Variants in PAK4 observed in about 807,000 individuals in gnomAD.
PAK4 encodes the protein p21 (RAC1) activated kinase 4.
PAK4 carries 49 observed loss-of-function variants against 53.5 expected under a neutral mutation model. That is an observed-to-expected ratio of 0.92 (90% CI 0.73 to 1.16). The LOEUF is 1.16. Ranked by LOEUF, PAK4 falls within the 50% of genes most tolerant of loss-of-function variation. The pLI is 0.00. For missense variants in PAK4, 824 were observed against 850.7 expected (o/e 0.97, Z 0.39); for synonymous variants, 376 against 375.6 (o/e 1.00, Z -0.01).
chr19:39,157,123 CTG>C lies in PAK4; in HGVS notation c.-22-12406_-22-12405del, dbSNP rs143071955. ...CACGAGGGCAGAAGTTTCCGTGAGA[CTG>C]TGCCTCACTCAGTCACTCTGGGTGA... On this transcript the variant is annotated intron_variant, in intron 1 of 8. Transcript: ENST00000358301. Among the ~76,000 whole-genome samples, 12 of 152,216 alleles carry C rather than the reference CTG, an allele frequency of 7.9e-5. No individual in the cohort carries two copies. In the East Asian group the frequency reaches 2.1e-3, roughly 27 times the overall value.
At chr19:39,160,361 A>G (rs1235287668) in intron 1 of PAK4, among the ~76,000 whole-genome samples, 1 of 62,604 alleles carries the variant, frequency 1.6e-5, no homozygotes, top group African/African-American at 6.1e-5. Flanking sequence ...GGCAAGAACC[A>G]GACAGACAGA....
chr19:39,126,722 A>G (rs1042884366), intron 1 of PAK4, among the ~76,000 whole-genome samples: 1 of 152,058 alleles, frequency 6.6e-6, no homozygotes, highest in African/African-American at 2.4e-5. Context: ...GCTCTGGCCG[A>G]CCGCCTCTCA....
intron 1 of PAK4, among the ~76,000 whole-genome samples, chr19:39,144,426 C>T (rs1333742975): frequency 3.9e-5 from 6 of 152,198 alleles, no homozygotes; most frequent in African/African-American, 9.7e-5. Context: ...CACGGGGCAC[C>T]GATGAGCCAG....
chr19:39,130,294 C>CA (rs1568494349), intron 1 of PAK4, among the ~76,000 whole-genome samples: 905 of 60,260 alleles, frequency 0.015, 22 homozygotes, highest in African/African-American at 0.053. Context: ...GGGGTCAGGG[C>CA]GGGATGGGGA....
chr19:39,164,122 C>T (rs2074329332), intron 1 of PAK4, among the ~76,000 whole-genome samples: 1 of 151,732 alleles, frequency 6.6e-6, no homozygotes, highest in Non-Finnish European at 1.5e-5. Flanking sequence ...ACTAAGAATA[C>T]ATAAATTAGC....
At position 39,175,407 on chromosome 19, in the gene PAK4, G is replaced by A. The variant is rs2074584425; in HGVS notation, c.1328G>A (p.Ser443Asn). 4 of 1,612,064 alleles carry A rather than the reference G, an allele frequency of 2.5e-6. No individual in the cohort carries two copies. The highest frequency in any genetic ancestry group is 1.3e-5 in the African/African-American group (1 of 75,014). Reference sequence around the variant, plus strand: ...GGCGTCATCCACCGGGACATCAAGAGCGACTCGATCCTGCTGACCCATGAT... The same window carrying A: ...GGCGTCATCCACCGGGACATCAAGAACGACTCGATCCTGCTGACCCATGAT... Residue 443 changes from serine to asparagine, a missense_variant, in exon 6 of 9, where the codon AGC becomes AAC. By Grantham distance (46) the Ser-to-Asn change is conservative. Coordinates refer to ENST00000358301, the Ensembl canonical transcript of PAK4. The surrounding 1 kb of genome is among the most constrained non-coding windows in gnomAD (Gnocchi z 4.7).
intron 2 of PAK4, 33 bp from the exon 4 acceptor site, chr19:39,172,885 T>C: frequency 6.7e-7 from 1 of 1,496,416 alleles, no homozygotes; most frequent in Non-Finnish European, 9.0e-7. Flanking sequence ...CACTCCTTGC[T>C]GGGCCCCCAC....
chr19:39,158,696 A>G (rs776265474), intron 1 of PAK4, among the ~76,000 whole-genome samples: 1 of 152,082 alleles, frequency 6.6e-6, no homozygotes, highest in Non-Finnish European at 1.5e-5. Flanking sequence ...TGGGTAAAGG[A>G]AGCATCATCT....
chr19:39,150,104 A>G (rs566502679), intron 1 of PAK4, among the ~76,000 whole-genome samples: 1 of 152,308 alleles, frequency 6.6e-6, no homozygotes, highest in East Asian at 1.9e-4. Flanking sequence ...ATTTTACCAT[A>G]ATAAAAATAA....
rs1056425873 is a variant in PAK4, at chr19:39,175,511, C to G, written c.1359+73C>G. ...GGGGCTTCCCTGCCTCTTCCCATCCCCTGTGAGGGTAGGTGAGCTCTGACC... is the reference window on the plus strand; with the variant it reads ...GGGGCTTCCCTGCCTCTTCCCATCCGCTGTGAGGGTAGGTGAGCTCTGACC... On this transcript the variant is annotated intron_variant, in intron 6 of 8. Transcript: ENST00000358301. The surrounding 1 kb of genome is among the most constrained non-coding windows in gnomAD (Gnocchi z 4.7). The G allele has an allele frequency of 6.8e-7, 1 of 1,468,026 alleles. No individual in the cohort carries two copies. 90.9% of individuals were successfully genotyped at this position (1,468,026 alleles called of 1,614,324 possible).
intron 8 of PAK4, 27 bp downstream of exon 9, chr19:39,177,836 G>C (rs369883675): frequency 4.6e-5 from 73 of 1,590,304 alleles, no homozygotes; most frequent in Middle Eastern, 1.7e-4. Context: ...CTGGGAAACT[G>C]TGCGCCAGCT....
chr19:39,154,507 C>T (rs978823591), intron 1 of PAK4, among the ~76,000 whole-genome samples: 2 of 152,200 alleles, frequency 1.3e-5, no homozygotes, highest in Non-Finnish European at 2.9e-5. Context: ...GGAGGACATC[C>T]TGTCACAGTT....
chr19:39,136,979 A>G (rs1166957293), intron 1 of PAK4, among the ~76,000 whole-genome samples: 4 of 152,186 alleles, frequency 2.6e-5, no homozygotes, highest in East Asian at 1.9e-4. Context: ...TTGAAGGAAG[A>G]CAGGTAGGTC....
chr19:39,165,189 G>GATAATAATAATAATAATA (rs1171032266), intron 1 of PAK4, among the ~76,000 whole-genome samples: 3 of 54,790 alleles, frequency 5.5e-5, no homozygotes, highest in South Asian at 1.4e-3. Flanking sequence ...GGATGATGAT[G>GATAATAATAATAATAATA]ATGATGATAA....
chr19:39,180,909 G>C (rs1421964854), downstream of PAK4: 1 of 152,226 alleles, frequency 6.6e-6, no homozygotes, highest in Non-Finnish European at 1.5e-5. Context: ...CTCACAGCCA[G>C]GGTGCCCGGC....
chr19:39,159,824 C>G (rs988385498), intron 1 of PAK4, among the ~76,000 whole-genome samples: 2 of 152,334 alleles, frequency 1.3e-5, no homozygotes, highest in South Asian at 4.1e-4. Flanking sequence ...CCTGGAGGAA[C>G]GAAGGAGAGC....
chr19:39,161,082 G>A lies in PAK4; in HGVS notation c.-22-8450G>A, dbSNP rs1383550091. 6.6e-6 allele frequency among the ~76,000 whole-genome samples: 1 copy of A among 152,208 alleles called. No homozygotes were observed. Among genetic ancestry groups the A allele is most frequent in the Non-Finnish European group, 1.5e-5 (1 of 68,024 alleles). On this transcript the variant is annotated intron_variant, in intron 1 of 8. Transcript: ENST00000358301. This position sits in a 1 kb window ranked among gnomAD's most constrained non-coding sequence, Gnocchi z 4.5. Reference sequence around the variant, plus strand: ...AGGAAGGAAGAGGACTCCCCACCCAGCACCCAGCACTGTTTAGAGGGCTCC... The same window carrying A: ...AGGAAGGAAGAGGACTCCCCACCCAACACCCAGCACTGTTTAGAGGGCTCC...
At chr19:39,128,631 A>G (rs1325866675) in intron 1 of PAK4, among the ~76,000 whole-genome samples, 1 of 152,196 alleles carries the variant, frequency 6.6e-6, no homozygotes, top group Non-Finnish European at 1.5e-5. Flanking sequence ...CTTTCAGTAT[A>G]ATGAAACACT....
intron 6 of PAK4, 195 bp from the exon 8 acceptor site, chr19:39,176,395 C>T: frequency 1.4e-6 from 1 of 692,462 alleles, no homozygotes; most frequent in South Asian, 1.7e-5. Flanking sequence ...AGGTGACTTG[C>T]CCGAGGGCCC....
Sources: allele counts gnomAD v4.1 joint callset (sites outside exome capture counted in the v4.1 genomes callset), GRCh38; gene constraint gnomAD v4.1.1; non-coding constraint Gnocchi (gnomAD v3.1); transcripts MANE v1.5; gene names NCBI Gene and HGNC (gene_info 2026-07-23, HGNC 2026-07-21).